CREG2: variants seen among roughly 807,000 people sequenced by gnomAD.
CREG2 encodes the protein protein CREG2.
A neutral mutation model predicts 26.2 loss-of-function variants in CREG2; 24 were observed. The ratio of observed to expected loss-of-function variants is 0.92; its 90% CI spans 0.66 to 1.29. The LOEUF (loss-of-function observed/expected upper bound fraction) is 1.29, where lower values mean the gene tolerates loss of function less well. CREG2 is among the 50% of genes most tolerant of loss of function. The pLI is 0.00. For missense variants in CREG2, 366 were observed against 398.6 expected (o/e 0.92, Z 0.70); for synonymous variants, 174 against 169.2 (o/e 1.03, Z -0.22).
At chr2:101,373,219 T>A (rs910075793) in intron 2 of CREG2, among the ~76,000 whole-genome samples, 2 of 152,096 alleles carry the variant, frequency 1.3e-5, no homozygotes, top group African/African-American at 2.4e-5. Context: ...CATCAACTCA[T>A]GACGAATGGA....
intron 2 of CREG2, among the ~76,000 whole-genome samples, chr2:101,380,005 A>ATCTG (rs1485936435): frequency 6.7e-6 from 1 of 149,512 alleles, no homozygotes; most frequent in African/African-American, 2.5e-5. Context: ...CTATCTATCT[A>ATCTG]TCTATCTATC....
intron 2 of CREG2, among the ~76,000 whole-genome samples, chr2:101,359,844 T>A (rs1292998011): frequency 6.6e-6 from 1 of 152,222 alleles, no homozygotes; most frequent in Non-Finnish European, 1.5e-5. Context: ...TGGGAAAAGA[T>A]GAAAGGCTTC....
chr2:101,353,030 G>A (rs1684405969), intron 3 of CREG2, among the ~76,000 whole-genome samples: 1 of 152,232 alleles, frequency 6.6e-6, no homozygotes, highest in Non-Finnish European at 1.5e-5. Flanking sequence ...AGGCAAACTT[G>A]GCAATGCTGT....
chr2:101,355,243 A>G lies in CREG2; in HGVS notation c.725+10T>C. The G allele has an allele frequency of 6.4e-7, 1 of 1,561,656 alleles. No homozygotes were observed. Among genetic ancestry groups the G allele is most frequent in the South Asian group, 1.1e-5 (1 of 89,884 alleles). On this transcript the variant is annotated intron_variant, in intron 3 of 3. Coordinates refer to ENST00000324768, the MANE Select transcript of CREG2 (RefSeq NM_153836.4). Reference sequence around the variant, plus strand: ...TTTCTGGGCATATAAATTTTAAAGCATTTACACACCTTGAAAACATGGCTT... The same window carrying G: ...TTTCTGGGCATATAAATTTTAAAGCGTTTACACACCTTGAAAACATGGCTT...
At position 101,378,042 on chromosome 2, in the gene CREG2, C is replaced by A. The variant is rs146879664; in HGVS notation, c.611+5491G>T. Among the ~76,000 whole-genome samples the A allele has an allele frequency of 1.5e-3, 227 of 152,282 alleles. 2 individuals are homozygous for A. Among genetic ancestry groups the A allele is most frequent in the African/African-American group, 5.3e-3 (221 of 41,556 alleles). Reference sequence around the variant, plus strand: ...CAATCAAATGAATTCACACATCCAACCCATGCTGTACGTTAGATCCCCAGA... The same window carrying A: ...CAATCAAATGAATTCACACATCCAAACCATGCTGTACGTTAGATCCCCAGA... On this transcript the variant is annotated intron_variant, in intron 2 of 3. Coordinates refer to ENST00000324768, the MANE Select transcript of CREG2 (RefSeq NM_153836.4).
In CREG2 at chr2:101,347,810, T is replaced by C. The variant is rs1684327155; in HGVS notation, c.*3113A>G. On this transcript the variant is annotated 3_prime_UTR_variant, in exon 4 of 4. Coordinates refer to ENST00000324768, the MANE Select transcript of CREG2 (RefSeq NM_153836.4). ...TTAACATGGTCTTTTGCAGAACAAATGTTTTAAATTCTGATGAAGTTTAAT... is the reference window on the plus strand; with the variant it reads ...TTAACATGGTCTTTTGCAGAACAAACGTTTTAAATTCTGATGAAGTTTAAT... 6.6e-6 allele frequency: 1 copy of C among 152,194 alleles called. No homozygotes were observed. Among genetic ancestry groups the C allele is most frequent in the South Asian group, 2.1e-4 (1 of 4,832 alleles). 9.4% of individuals were successfully genotyped at this position (152,194 alleles called of 1,614,324 possible).
intron 2 of CREG2, 73 bp downstream of exon 2, chr2:101,383,460 A>T (rs1573319342): frequency 6.8e-7 from 1 of 1,470,674 alleles, no homozygotes; most frequent in East Asian, 2.3e-5. Flanking sequence ...TGTGACCCAG[A>T]GAGAAACCCA....
At chr2:101,380,710 G>T (rs778704377) in intron 2 of CREG2, among the ~76,000 whole-genome samples, 1 of 152,184 alleles carries the variant, frequency 6.6e-6, no homozygotes, top group Non-Finnish European at 1.5e-5. Context: ...GGGAGGCTGA[G>T]GCAGGTGGAT....
At chr2:101,357,780 T>A (rs536991271) in intron 2 of CREG2, among the ~76,000 whole-genome samples, 75 of 151,942 alleles carry the variant, frequency 4.9e-4, no homozygotes, top group African/African-American at 1.6e-3. Context: ...TCCAGGGCCA[T>A]GGAGCTCACA....
intron 2 of CREG2, among the ~76,000 whole-genome samples, chr2:101,379,572 A>G (rs1684839080): frequency 6.6e-6 from 1 of 152,192 alleles, no homozygotes; most frequent in Non-Finnish European, 1.5e-5. Context: ...TTTGAGTGAC[A>G]TGACTTGTCA....
intron 2 of CREG2, chr2:101,375,987 G>A: frequency 5.1e-6 from 1 of 195,008 alleles, no homozygotes; most frequent in Admixed American, 4.7e-5. Context: ...TTTCAGCTTT[G>A]CTGGGCTGTG....
chr2:101,377,033 T>A (rs1215266408), intron 2 of CREG2, among the ~76,000 whole-genome samples: 2 of 152,198 alleles, frequency 1.3e-5, no homozygotes, highest in Non-Finnish European at 2.9e-5. Flanking sequence ...AGGCCCCCCC[T>A]TGGAGATGTA....
chr2:101,357,249 C>T (rs1438776945), intron 2 of CREG2, among the ~76,000 whole-genome samples: 3 of 151,680 alleles, frequency 2.0e-5, no homozygotes, highest in Non-Finnish European at 4.4e-5. Flanking sequence ...TCTTGAACTC[C>T]TGACCTCAGG....
intron 2 of CREG2, among the ~76,000 whole-genome samples, chr2:101,359,621 A>C (rs1479632365): frequency 6.6e-6 from 1 of 152,180 alleles, no homozygotes; most frequent in Non-Finnish European, 1.5e-5. Context: ...TAGTCACCCG[A>C]CATTCCTGGT....
At chr2:101,368,070 C>T (rs182404127) in intron 2 of CREG2, among the ~76,000 whole-genome samples, 1 of 152,110 alleles carries the variant, frequency 6.6e-6, no homozygotes, top group East Asian at 1.9e-4. Context: ...GAGCAGATCA[C>T]GAGGTCAGGA....
At chr2:101,366,756 A>T (rs984145604) in intron 2 of CREG2, among the ~76,000 whole-genome samples, 1 of 152,110 alleles carries the variant, frequency 6.6e-6, no homozygotes, top group Non-Finnish European at 1.5e-5. Context: ...CAGGAGATGG[A>T]GGTTGCAGTG....
chr2:101,373,275 A>C (rs748477572), intron 2 of CREG2, among the ~76,000 whole-genome samples: 19 of 152,242 alleles, frequency 1.2e-4, no homozygotes, highest in Admixed American at 8.5e-4. Flanking sequence ...ATGCAATGGA[A>C]TATTACTCAG....
intron 2 of CREG2, among the ~76,000 whole-genome samples, chr2:101,359,816 T>G (rs534138422): frequency 2.0e-5 from 3 of 152,264 alleles, no homozygotes; most frequent in Non-Finnish European, 4.4e-5. Flanking sequence ...ACCAGCATTA[T>G]GCATCAACCA....
intron 2 of CREG2, among the ~76,000 whole-genome samples, chr2:101,367,802 G>T (rs892944589): frequency 6.6e-6 from 1 of 152,206 alleles, no homozygotes; most frequent in Non-Finnish European, 1.5e-5. Context: ...GTAGGAGGTG[G>T]GATGACAGAA....
Sources: allele counts gnomAD v4.1 joint callset (sites outside exome capture counted in the v4.1 genomes callset), GRCh38; gene constraint gnomAD v4.1.1; transcripts MANE v1.5; gene names NCBI Gene and HGNC (gene_info 2026-07-23, HGNC 2026-07-21).